The following MAPKAP1 variants were observed in gnomAD, a reference collection of about 807,000 sequenced individuals.
MAPKAP1 encodes the protein MAPK associated protein 1.
Under a neutral mutation model 65.7 loss-of-function variants are expected in MAPKAP1, and 20 were observed. The observed-to-expected ratio is 0.30, with a 90% CI of 0.21 to 0.44. MAPKAP1 has a LOEUF of 0.44. Among genes scored for constraint, MAPKAP1 ranks in the 20% least tolerant of loss-of-function variants. MAPKAP1 has a pLI of 1.00. For synonymous variants in MAPKAP1, 222 were observed against 244.3 expected, an observed-to-expected ratio of 0.91 and a Z score of 0.85; for missense variants, 423 against 648.0, an observed-to-expected ratio of 0.65 and a Z score of 3.77.
rs188674107 is a variant in MAPKAP1 at position 125,604,711 on chromosome 9, T to C, written c.499-18984A>G. On this transcript the variant is annotated intron_variant, in intron 4 of 11. Transcript: ENST00000265960. ...GTACCAAATTTATCTCCCAATAGTA[T>C]TGAAAGTGCAAGAGGGACTGTACGT... Among the ~76,000 whole-genome samples, 39 of 152,306 alleles carry C rather than the reference T, an allele frequency of 2.6e-4. No homozygotes were observed. In the East Asian group the frequency reaches 7.1e-3, roughly 28 times the overall value.
At chr9:125,597,772 A>G (rs1016507309) in intron 4 of MAPKAP1, among the ~76,000 whole-genome samples, 1 of 152,220 alleles carries the variant, frequency 6.6e-6, no homozygotes, top group African/African-American at 2.4e-5. Flanking sequence ...CAAATTGATA[A>G]AAGAGTTATT....
Position 125,707,168 on chromosome 9 carries a change from C to T in MAPKAP1, c.-267G>A. On this transcript the variant is annotated 5_prime_UTR_variant, in exon 1 of 12. Coordinates refer to ENST00000265960, the MANE Select transcript of MAPKAP1 (RefSeq NM_001006617.3). The stretch of plus-strand genomic sequence containing the variant: ...TGCCCCTGCTGCTCGCCGCCGCCGG[C>T]CGGCCGAGCAGCAGCCCTATTACCC... 1 of 398,202 alleles carries T rather than the reference C, an allele frequency of 2.5e-6. No homozygotes were observed. Among genetic ancestry groups the T allele is most frequent in the Non-Finnish European group, 4.4e-6 (1 of 225,752 alleles). 24.7% of individuals were successfully genotyped at this position (398,202 alleles called of 1,614,324 possible).
chr9:125,698,284 T>A (rs1387187875), intron 1 of MAPKAP1, among the ~76,000 whole-genome samples: 409 of 25,842 alleles, frequency 0.016, 1 homozygote, highest in Non-Finnish European at 0.021. Context: ...ACATAATATA[T>A]ATAAATATAT....
intron 6 of MAPKAP1, among the ~76,000 whole-genome samples, chr9:125,553,077 T>C (rs768011826): frequency 1.3e-5 from 2 of 152,024 alleles, no homozygotes; most frequent in African/African-American, 2.4e-5. Flanking sequence ...TGTCACTGTG[T>C]GTGTGTGGGG....
Position 125,506,353 on chromosome 9 carries a change from C to T in MAPKAP1, c.1023G>A (p.Leu341=). ...PNVAVDLDST[L]ESQSAWEFCL... ...AGAACTCCCATGCGCTCTGGCTCTC[C>T]AAAGTGCTGTCCAGGTCAACGGCGA... Residue 341 remains leucine, a synonymous_variant, in exon 8 of 12, where the codon TTG becomes TTA. Transcript: ENST00000265960. 2 of 1,614,130 alleles carry T rather than the reference C, an allele frequency of 1.2e-6. No homozygotes were observed. The highest frequency in any genetic ancestry group is 1.7e-6 in the Non-Finnish European group (2 of 1,180,028).
intron 6 of MAPKAP1, among the ~76,000 whole-genome samples, chr9:125,544,296 C>T (rs1354505043): frequency 2.6e-5 from 4 of 152,050 alleles, no homozygotes; most frequent in African/African-American, 4.8e-5. Context: ...GCATAAGCCA[C>T]CGCACCTGGC....
intron 7 of MAPKAP1, among the ~76,000 whole-genome samples, chr9:125,520,719 C>T (rs1023796885): frequency 1.3e-5 from 2 of 152,202 alleles, no homozygotes; most frequent in Non-Finnish European, 2.9e-5. Flanking sequence ...GGTGATGAAA[C>T]AAGCCCATCC....
At chr9:125,476,162 T>C (rs1854100934) in intron 9 of MAPKAP1, among the ~76,000 whole-genome samples, 1 of 152,160 alleles carries the variant, frequency 6.6e-6, no homozygotes, top group African/African-American at 2.4e-5. Context: ...TATTACCAGT[T>C]AGGTGATTTT....
chr9:125,673,647 C>T (rs1461589852), intron 1 of MAPKAP1, among the ~76,000 whole-genome samples: 6 of 152,076 alleles, frequency 3.9e-5, no homozygotes, highest in Non-Finnish European at 7.4e-5. Flanking sequence ...AGGCCGGGCA[C>T]AGTGATTCAC....
At chr9:125,695,090 T>C (rs1835344269) in intron 1 of MAPKAP1, among the ~76,000 whole-genome samples, 2 of 152,338 alleles carry the variant, frequency 1.3e-5, no homozygotes, top group South Asian at 4.1e-4. Flanking sequence ...TTATACCAAC[T>C]TGGAATTTTT....
At chr9:125,631,848 G>A (rs1833291926) in intron 4 of MAPKAP1, among the ~76,000 whole-genome samples, 1 of 152,154 alleles carries the variant, frequency 6.6e-6, no homozygotes, top group African/African-American at 2.4e-5. Flanking sequence ...TTCAAGGCTT[G>A]GCTTAGGGGT....
At chr9:125,503,865 C>T (rs945135482) in intron 8 of MAPKAP1, among the ~76,000 whole-genome samples, 3 of 144,416 alleles carry the variant, frequency 2.1e-5, no homozygotes, top group Non-Finnish European at 4.5e-5. Context: ...TATAGGCACC[C>T]GCCACCACGC....
intron 6 of MAPKAP1, 83 bp from the exon 7 acceptor site, chr9:125,543,251 T>C: frequency 1.0e-6 from 1 of 991,026 alleles, no homozygotes; most frequent in Non-Finnish European, 1.6e-6. Context: ...TTTAAGCAAG[T>C]TTTTTTTGTT....
intron 4 of MAPKAP1, among the ~76,000 whole-genome samples, chr9:125,650,210 T>G (rs1035764037): frequency 6.6e-6 from 1 of 152,216 alleles, no homozygotes; most frequent in Non-Finnish European, 1.5e-5. Flanking sequence ...GATTAGTTTC[T>G]CTATCCTCAC....
intron 1 of MAPKAP1, among the ~76,000 whole-genome samples, chr9:125,689,462 A>AAC (rs34657276): frequency 0.18 from 18,735 of 104,980 alleles, 4,238 homozygotes; most frequent in Non-Finnish European, 0.28. Context: ...AAAAAAAAAA[A>AAC]CAGGCCAGGC....
intron 1 of MAPKAP1, among the ~76,000 whole-genome samples, chr9:125,693,488 T>C (rs1385208540): frequency 1.4e-5 from 2 of 145,352 alleles, no homozygotes; most frequent in South Asian, 2.1e-4. Context: ...CATATACACA[T>C]ATATACACAC....
intron 10 of MAPKAP1, among the ~76,000 whole-genome samples, chr9:125,452,402 A>G: frequency 6.6e-6 from 1 of 151,946 alleles, no homozygotes. Context: ...CCTGGCCAGG[A>G]GTCATTCTTT....
intron 4 of MAPKAP1, among the ~76,000 whole-genome samples, chr9:125,634,583 T>C (rs1007248069): frequency 6.6e-6 from 1 of 152,172 alleles, no homozygotes; most frequent in African/African-American, 2.4e-5. Context: ...CAATTATAGT[T>C]TCACTTCCCT....
chr9:125,677,033 C>T (rs548286249), intron 1 of MAPKAP1, among the ~76,000 whole-genome samples: 60 of 152,266 alleles, frequency 3.9e-4, no homozygotes, highest in African/African-American at 1.3e-3. Flanking sequence ...TGTATAACAG[C>T]GTTTCACAGA....
Sources: allele counts gnomAD v4.1 joint callset (sites outside exome capture counted in the v4.1 genomes callset), GRCh38; gene constraint gnomAD v4.1.1; transcripts MANE v1.5; gene names NCBI Gene and HGNC (gene_info 2026-07-23, HGNC 2026-07-21).